Variants in SUZ12 observed in about 807,000 individuals in gnomAD.
The protein encoded by SUZ12 is polycomb protein SUZ12.
A neutral mutation model predicts 87.3 loss-of-function variants in SUZ12; 17 were observed. The observed-to-expected ratio is 0.19, with a 90% CI of 0.13 to 0.29. The LOEUF is 0.29. Among genes scored for constraint, SUZ12 ranks in the 10% least tolerant of loss-of-function variants. The pLI is 1.00. For missense variants in SUZ12, 526 were observed against 912.2 expected (o/e 0.58, Z 5.45); for synonymous variants, 253 against 312.4 (o/e 0.81, Z 2.01).
chr17:31,975,545 C>G lies in SUZ12; in HGVS notation c.655C>G (p.Leu219Val). Residue 219 changes from leucine to valine, a missense_variant, in exon 7 of 16, where the codon CTC becomes GTC. Around this residue, in one of 9 missense-constraint regions of SUZ12, gnomAD observed 73 missense variants for 133.8 expected, o/e 0.55. Coordinates refer to ENST00000322652, the MANE Select transcript of SUZ12 (RefSeq NM_015355.4). ...AAAGCAGGTGCCTTTGAATCCTGAC[C>G]TCAATCAAACAAAACCCGGAAATTT... ...GKKQVPLNPD[L>V]NQTKPGNFPS... 6.2e-7 allele frequency: 1 copy of G among 1,613,828 alleles called. No individual in the cohort carries two copies. The highest frequency in any genetic ancestry group is 2.2e-5 in the East Asian group (1 of 44,868).
chr17:31,952,847 G>T (rs1488785506), intron 4 of SUZ12, among the ~76,000 whole-genome samples: 2 of 152,170 alleles, frequency 1.3e-5, no homozygotes, highest in Non-Finnish European at 2.9e-5. Flanking sequence ...ACAGGCGTGT[G>T]GCACCGTGCC....
intron 6 of SUZ12, among the ~76,000 whole-genome samples, chr17:31,974,891 T>G: frequency 6.6e-6 from 1 of 152,324 alleles, no homozygotes; most frequent in East Asian, 1.9e-4. Flanking sequence ...TAACAGAATA[T>G]TACTCAGAAT....
intron 4 of SUZ12, among the ~76,000 whole-genome samples, chr17:31,957,051 A>G (rs1907388349): frequency 1.3e-5 from 2 of 152,242 alleles, no homozygotes; most frequent in South Asian, 2.1e-4. Context: ...GCTGGATTAC[A>G]GGCCTGTGCC....
At chr17:31,998,548 T>C in intron 15 of SUZ12, 110 bp from the exon 16 acceptor site, 2 of 703,136 alleles carry the variant, frequency 2.8e-6, no homozygotes, top group Non-Finnish European at 2.1e-6. Flanking sequence ...GCTTCTTTAA[T>C]CATCTTTTAT....
chr17:31,996,613 T>G (rs994794867), intron 14 of SUZ12, among the ~76,000 whole-genome samples, 185 bp from the exon 15 acceptor site: 1 of 151,528 alleles, frequency 6.6e-6, no homozygotes, highest in African/African-American at 2.5e-5. Flanking sequence ...AGCAAGACTC[T>G]GTCTCTAACT....
rs1311458906 is a variant in SUZ12, at chr17:31,979,096, G to C, written c.917+2482G>C. Among the ~76,000 whole-genome samples, 12 of 103,662 alleles carry C rather than the reference G, an allele frequency of 1.2e-4. No individual in the cohort carries two copies. The East Asian group carries it at 2.4e-3, about 21-fold the overall frequency. The allele number at this position is 103,662 out of a possible 152,430, so 68.0% of individuals were successfully genotyped here. A position where few individuals can be genotyped will look rare whatever the true frequency, so the allele number is the denominator to read the frequency against. ...ACTCCAGCCTGGTGACAGCGAGACT[G>C]TGTCTCCAAAAAAAAAAAAAAAAAA... On this transcript the variant is annotated intron_variant, in intron 8 of 15. Coordinates refer to ENST00000322652, the MANE Select transcript of SUZ12 (RefSeq NM_015355.4).
At chr17:31,966,119 T>G (rs1390250789) in intron 4 of SUZ12, 28 bp from the exon 5 acceptor site, 3 of 1,555,194 alleles carry the variant, frequency 1.9e-6, no homozygotes, top group Non-Finnish European at 1.7e-6. Context: ...ATTACAATGA[T>G]AAAATATTTC....
intron 10 of SUZ12, among the ~76,000 whole-genome samples, chr17:31,988,943 G>A (rs1424894157): frequency 1.3e-5 from 2 of 151,460 alleles, no homozygotes; most frequent in African/African-American, 4.8e-5. Flanking sequence ...GTGGTGGCGG[G>A]CACCTGTAGT....
rs1909813184 is a variant in SUZ12 at position 31,993,260 on chromosome 17, C to T, written c.1220C>T (p.Thr407Ile). Reference sequence around the variant, plus strand: ...TTTTCAGCTGTTAAAGAATCATTGACTACAGATCTACAAACAAGAAAAGAA... The same window carrying T: ...TTTTCAGCTGTTAAAGAATCATTGATTACAGATCTACAAACAAGAAAAGAA... ...TQTIAVKESL[T>I]TDLQTRKEKD... The change falls in exon 11 of 16, where the codon ACT (threonine) becomes ATT (isoleucine). Residue 407 changes from threonine (T) to isoleucine (I), a missense_variant. Physicochemically the swap from Thr to Ile is moderately conservative, Grantham distance 89 (BLOSUM62 -1). Around this residue, in one of 9 missense-constraint regions of SUZ12, gnomAD observed 85 missense variants for 87.4 expected, o/e 0.97. Coordinates refer to ENST00000322652, the MANE Select transcript of SUZ12 (RefSeq NM_015355.4). The T allele has an allele frequency of 6.3e-7, 1 of 1,577,188 alleles. No homozygotes were observed. The highest frequency in any genetic ancestry group is 8.6e-7 in the Non-Finnish European group (1 of 1,168,944).
intron 10 of SUZ12, among the ~76,000 whole-genome samples, chr17:31,991,469 G>T (rs1011260480): frequency 6.6e-6 from 1 of 151,844 alleles, no homozygotes; most frequent in African/African-American, 2.4e-5. Context: ...TAGGTAAAAG[G>T]TTGCATCAAA....
intron 4 of SUZ12, among the ~76,000 whole-genome samples, chr17:31,962,925 GA>G (rs1907825205): frequency 6.6e-6 from 1 of 151,240 alleles, no homozygotes; most frequent in Non-Finnish European, 1.5e-5. Flanking sequence ...GTGACTGGTG[GA>G]TTATCTTCTA....
intron 6 of SUZ12, among the ~76,000 whole-genome samples, chr17:31,973,506 T>C (rs1908559376): frequency 6.6e-6 from 1 of 152,254 alleles, no homozygotes; most frequent in Non-Finnish European, 1.5e-5. Flanking sequence ...ATTCAGTTGC[T>C]GTTCTACCAT....
chr17:31,951,185 A>C (rs1906957454), intron 4 of SUZ12, among the ~76,000 whole-genome samples: 1 of 152,306 alleles, frequency 6.6e-6, no homozygotes, highest in African/African-American at 2.4e-5. Context: ...CCAAAGTTAT[A>C]GTATGTCTGC....
chr17:31,980,033 G>GAA (rs1340954165), intron 8 of SUZ12, among the ~76,000 whole-genome samples: 2 of 151,516 alleles, frequency 1.3e-5, no homozygotes, highest in African/African-American at 2.4e-5. Context: ...GAGAGAGAGA[G>GAA]AGAGAAACAG....
rs764147751 is a variant in SUZ12, at chr17:31,999,036, G to C, written c.*33G>C. On this transcript the variant is annotated 3_prime_UTR_variant, in exon 16 of 16. Coordinates refer to ENST00000322652, the MANE Select transcript of SUZ12 (RefSeq NM_015355.4). ...TAACCCCATGTTATGGACAAACACT[G>C]AAATTACATTTTAGGGAATTCATCC... 1 of 1,465,552 alleles carries C rather than the reference G, an allele frequency of 6.8e-7. No individual in the cohort carries two copies. 90.8% of individuals were successfully genotyped at this position (1,465,552 alleles called of 1,614,324 possible).
intron 4 of SUZ12, among the ~76,000 whole-genome samples, chr17:31,961,416 G>T (rs1402778466): frequency 1.3e-5 from 2 of 151,796 alleles, no homozygotes; most frequent in Non-Finnish European, 2.9e-5. Flanking sequence ...GCATGGTGGC[G>T]GACACCTGTA....
chr17:31,973,935 T>C (rs936558559), intron 6 of SUZ12, among the ~76,000 whole-genome samples: 11 of 152,116 alleles, frequency 7.2e-5, no homozygotes, highest in East Asian at 1.9e-4. Flanking sequence ...TTTTGAAAGT[T>C]TATGTAAAGG....
chr17:31,959,885 C>G (rs905325019), intron 4 of SUZ12, among the ~76,000 whole-genome samples: 1 of 152,214 alleles, frequency 6.6e-6, no homozygotes, highest in Non-Finnish European at 1.5e-5. Context: ...CTCAAAATTT[C>G]AAATTCTTTA....
chr17:31,983,549 G>C (rs147353183), intron 9 of SUZ12, among the ~76,000 whole-genome samples: 27 of 152,108 alleles, frequency 1.8e-4, no homozygotes, highest in African/African-American at 6.3e-4. Flanking sequence ...CAAAGCGCTG[G>C]GATTACAGGC....
Sources: gnomAD v4.1 joint callset for allele counts (sites outside exome capture counted in the v4.1 genomes callset) on GRCh38, gnomAD v4.1.1 for gene constraint, gnomAD v4.1.1 regional missense constraint, MANE v1.5 for transcripts, NCBI Gene and HGNC (gene_info 2026-07-23, HGNC 2026-07-21) for gene names.